HERC4: variants seen among roughly 807,000 people sequenced by gnomAD.
HERC4 encodes the protein probable E3 ubiquitin-protein ligase HERC4.
In HERC4, 28 loss-of-function variants were observed where a neutral mutation model predicts 124.3. The observed-to-expected ratio is 0.23, with a 90% CI of 0.17 to 0.31. The LOEUF (loss-of-function observed/expected upper bound fraction) is 0.31, where lower values mean the gene tolerates loss of function less well. Among genes scored for constraint, HERC4 ranks in the 10% least tolerant of loss-of-function variants. The pLI, the probability that HERC4 is intolerant of heterozygous loss-of-function variation, is 1.00. For missense variants in HERC4, 713 were observed against 1,229.3 expected (o/e 0.58, Z 6.28); for synonymous variants, 407 against 421.5 (o/e 0.97, Z 0.42).
intron 9 of HERC4, 86 bp from the exon 10 acceptor site, chr10:67,992,768 C>A: frequency 1.5e-6 from 1 of 687,574 alleles, no homozygotes; most frequent in South Asian, 1.8e-5. Context: ...TTCACATAAT[C>A]ATCTTATTTA....
intron 8 of HERC4, among the ~76,000 whole-genome samples, chr10:68,022,951 A>G (rs1184792451): frequency 6.6e-6 from 1 of 152,166 alleles, no homozygotes; most frequent in East Asian, 1.9e-4. Context: ...TCATTGGGAA[A>G]ATGCAAATCA....
intron 6 of HERC4, among the ~76,000 whole-genome samples, chr10:68,033,079 T>G (rs1005979011): frequency 1.3e-5 from 2 of 152,130 alleles, no homozygotes; most frequent in African/African-American, 4.8e-5. Context: ...AGTTAAGTGC[T>G]AAACAGCCAA....
At chr10:68,000,081 C>T (rs1040860103) in intron 9 of HERC4, among the ~76,000 whole-genome samples, 1 of 152,024 alleles carries the variant, frequency 6.6e-6, no homozygotes, top group Non-Finnish European at 1.5e-5. Flanking sequence ...TGGTCTTGGA[C>T]TCCTATCCTC....
intron 14 of HERC4, among the ~76,000 whole-genome samples, chr10:67,989,677 T>G (rs193170358): frequency 1.4e-4 from 22 of 151,848 alleles, no homozygotes; most frequent in Admixed American, 7.9e-4. Flanking sequence ...TCTAGACAAT[T>G]AGAAAAATTA....
chr10:68,039,802 T>C, intron 4 of HERC4: 1 of 1,115,626 alleles, frequency 9.0e-7, no homozygotes, highest in Non-Finnish European at 1.1e-6. Flanking sequence ...TGTTTATGCA[T>C]ACTAGGCAGA....
At chr10:67,976,390 T>C (rs887861140) in intron 15 of HERC4, among the ~76,000 whole-genome samples, 4 of 152,188 alleles carry the variant, frequency 2.6e-5, no homozygotes, top group African/African-American at 9.6e-5. Context: ...TTGCAGAATA[T>C]GATTCACATC....
At chr10:67,977,924 T>C (rs1418090682) in intron 15 of HERC4, among the ~76,000 whole-genome samples, 1 of 151,054 alleles carries the variant, frequency 6.6e-6, no homozygotes, top group East Asian at 2.0e-4. Context: ...GAGAGTATAG[T>C]GAGCCGAGAT....
intron 9 of HERC4, among the ~76,000 whole-genome samples, chr10:67,996,323 T>G (rs1018354591): frequency 6.6e-6 from 1 of 151,516 alleles, no homozygotes; most frequent in African/African-American, 2.4e-5. Context: ...ACACCCCCCC[T>G]GCCCCACAAG....
At chr10:68,005,085 G>A (rs1045544673) in intron 9 of HERC4, among the ~76,000 whole-genome samples, 3 of 152,114 alleles carry the variant, frequency 2.0e-5, no homozygotes, top group African/African-American at 7.2e-5. Context: ...GTACATATAT[G>A]AATTTATTTC....
rs2030381240 is a variant in HERC4 at position 67,922,930 on chromosome 10, G to C, written c.*1C>G. ...TAAACTGAATAGTTATAACTCCAAA[G>C]TTATATTAAACTGAAGCCTTCATTG... On this transcript the variant is annotated 3_prime_UTR_variant, in exon 25 of 25. Coordinates refer to ENST00000373700, the MANE Select transcript of HERC4 (RefSeq NM_015601.4). 1.3e-6 allele frequency: 2 copies of C among 1,594,994 alleles called. No individual in the cohort carries two copies. Among genetic ancestry groups the C allele is most frequent in the Non-Finnish European group, 1.7e-6 (2 of 1,167,834 alleles).
chr10:67,974,336 AG>A (rs144218382), intron 15 of HERC4, among the ~76,000 whole-genome samples: 214 of 152,338 alleles, frequency 1.4e-3, no homozygotes, highest in African/African-American at 4.9e-3. Context: ...ACTTAAGAGA[AG>A]AAAAACCACC....
At chr10:68,046,939 T>C (rs867446398) in intron 3 of HERC4, among the ~76,000 whole-genome samples, 5 of 151,936 alleles carry the variant, frequency 3.3e-5, no homozygotes, top group African/African-American at 7.3e-5. Flanking sequence ...TCATGGGCTA[T>C]AGAGGGAGAC....
intron 9 of HERC4, among the ~76,000 whole-genome samples, chr10:68,008,546 A>G (rs2037730167): frequency 6.6e-6 from 1 of 152,174 alleles, no homozygotes; most frequent in South Asian, 2.1e-4. Context: ...TGGGGATGTA[A>G]TCATATGGAT....
rs557410115 is a variant in HERC4 at position 68,059,844 on chromosome 10, AT to A, written c.226+13038del. The stretch of plus-strand genomic sequence containing the variant: ...ATATCATAATATTATATATTATAAT[AT>A]ATTATATATCATAATATTATATATT... On this transcript the variant is annotated intron_variant, in intron 3 of 24. Transcript: ENST00000373700. 8.9e-4 allele frequency among the ~76,000 whole-genome samples: 22 copies of A among 24,770 alleles called. 3 individuals are homozygous for A. In the African/African-American group the frequency reaches 0.014, roughly 16 times the overall value. The allele number at this position is 24,770 out of a possible 152,430, so 16.3% of individuals were successfully genotyped here. A position where few individuals can be genotyped will look rare whatever the true frequency, so the allele number is the denominator to read the frequency against.
chr10:67,930,681 T>C (rs112940550), intron 23 of HERC4, among the ~76,000 whole-genome samples: 8,567 of 152,260 alleles, frequency 0.056, 356 homozygotes, highest in Non-Finnish European at 0.083. Flanking sequence ...CAGAGGATGG[T>C]ATATTAGAAA....
At chr10:68,040,175 A>C in intron 4 of HERC4, 1 of 983,302 alleles carries the variant, frequency 1.0e-6, no homozygotes, top group Non-Finnish European at 1.2e-6. Flanking sequence ...AAATTTTCTA[A>C]ATTTGCATAG....
intron 4 of HERC4, among the ~76,000 whole-genome samples, chr10:68,041,343 A>G (rs1009972339): frequency 6.6e-6 from 1 of 152,172 alleles, no homozygotes; most frequent in African/African-American, 2.4e-5. Flanking sequence ...TAGATTTTTA[A>G]AAAAATGAAA....
At chr10:68,022,096 T>TA (rs2038659798) in intron 8 of HERC4, among the ~76,000 whole-genome samples, 1 of 151,932 alleles carries the variant, frequency 6.6e-6, no homozygotes, top group Non-Finnish European at 1.5e-5. Flanking sequence ...ATTTGTAAAA[T>TA]AAAACTAAAA....
intron 9 of HERC4, among the ~76,000 whole-genome samples, chr10:68,011,808 G>A (rs1331248594): frequency 6.6e-6 from 1 of 152,208 alleles, no homozygotes; most frequent in Non-Finnish European, 1.5e-5. Flanking sequence ...GACCCTAAAA[G>A]AGAGTCAGCC....
Sources: allele counts gnomAD v4.1 joint callset (sites outside exome capture counted in the v4.1 genomes callset), GRCh38; gene constraint gnomAD v4.1.1; transcripts MANE v1.5; gene names NCBI Gene and HGNC (gene_info 2026-07-23, HGNC 2026-07-21).